The following HELZ variants were observed in gnomAD, a reference collection of about 807,000 sequenced individuals.
HELZ encodes the protein helicase with zinc finger.
In HELZ, 23 loss-of-function variants were observed where a neutral mutation model predicts 218.2. That is an observed-to-expected ratio of 0.11 (90% CI 0.08 to 0.15). The LOEUF (loss-of-function observed/expected upper bound fraction) is 0.15. HELZ is among the 10% of genes least tolerant of loss of function. The pLI, the probability that HELZ is intolerant of heterozygous loss-of-function variation, is 1.00. For missense variants in HELZ, 1,813 were observed against 2,353.7 expected, an observed-to-expected ratio of 0.77 and a Z score of 4.75; for synonymous variants, 814 against 829.4, an observed-to-expected ratio of 0.98 and a Z score of 0.32.
chr17:67,128,841 C>A lies in HELZ; in HGVS notation c.3197G>T (p.Arg1066Leu). ...SIGRCRKFWE[R>L]FIALCHENSS... ...GTTTTCATGACACAGGGCAATAAAC[C>A]GTTCCCAAAATTTCCTACAGAAAAG... The change falls in exon 24 of 33, where the codon CGG (arginine) becomes CTG (leucine). Residue 1066 changes from arginine (R) to leucine (L), a missense_variant. Arg to Leu is a moderately radical substitution (Grantham distance 102). Transcript: ENST00000358691. 1.2e-6 allele frequency: 2 copies of A among 1,613,608 alleles called. No individual in the cohort carries two copies. The highest frequency in any genetic ancestry group is 1.1e-5 in the South Asian group (1 of 91,056).
rs2037663076 is a variant in HELZ at position 67,122,971 on chromosome 17, G to C, written c.3629C>G (p.Pro1210Arg). 2.5e-6 allele frequency: 4 copies of C among 1,601,704 alleles called. No individual in the cohort carries two copies. In the African/African-American group the frequency reaches 4.0e-5, roughly 16 times the overall value. The change falls in exon 26 of 33, where the codon CCT becomes CGT. Residue 1210 changes from proline (P) to arginine (R), a missense_variant and splice_region_variant. By Grantham distance (103) the Pro-to-Arg change is moderately radical. Transcript: ENST00000358691. ...AAAGTATTTCGAATGTCCACTTACA[G>C]GTAAAGGCACCGACATAACTACATT... ...GGNVVMSVPL[P>R]VPWTGYQGRF...
chr17:67,133,414 T>C (rs529895585), intron 23 of HELZ, among the ~76,000 whole-genome samples: 65 of 152,374 alleles, frequency 4.3e-4, no homozygotes, highest in Non-Finnish European at 8.4e-4. Context: ...CAGTATAATA[T>C]GATTCTTTAA....
At chr17:67,171,386 A>G (rs1041614397) in intron 13 of HELZ, among the ~76,000 whole-genome samples, 1 of 152,132 alleles carries the variant, frequency 6.6e-6, no homozygotes, top group Non-Finnish European at 1.5e-5. Context: ...CAACTTAGAA[A>G]ATGGCACTGT....
At chr17:67,216,969 C>T (rs2040616656) in intron 4 of HELZ, among the ~76,000 whole-genome samples, 1 of 152,144 alleles carries the variant, frequency 6.6e-6, no homozygotes, top group Non-Finnish European at 1.5e-5. Flanking sequence ...CCTCAGTCCT[C>T]GCCTCTTCTC....
At chr17:67,207,337 A>T (rs1182020497) in intron 5 of HELZ, among the ~76,000 whole-genome samples, 2 of 147,256 alleles carry the variant, frequency 1.4e-5, no homozygotes, top group African/African-American at 5.1e-5. Flanking sequence ...CTCCTGCCTC[A>T]GCCTCACCAG....
At chr17:67,095,335 C>T (rs1202695193) in intron 31 of HELZ, among the ~76,000 whole-genome samples, 1 of 152,110 alleles carries the variant, frequency 6.6e-6, no homozygotes, top group Non-Finnish European at 1.5e-5. Flanking sequence ...GAGTTCAAGT[C>T]CAGCCTGGGT....
chr17:67,086,298 A>G (rs1202562457), intron 32 of HELZ, among the ~76,000 whole-genome samples: 2 of 152,074 alleles, frequency 1.3e-5, no homozygotes, highest in Admixed American at 6.5e-5. Context: ...GACATAAAAT[A>G]TGGAACTGGC....
At chr17:67,080,074 T>A (rs1249024037) in intron 32 of HELZ, among the ~76,000 whole-genome samples, 1 of 152,240 alleles carries the variant, frequency 6.6e-6, no homozygotes, top group Non-Finnish European at 1.5e-5. Flanking sequence ...GATATTTACA[T>A]CTTTTTGTGA....
intron 3 of HELZ, among the ~76,000 whole-genome samples, chr17:67,221,191 G>A (rs2040735770): frequency 6.6e-6 from 1 of 152,098 alleles, no homozygotes; most frequent in Non-Finnish European, 1.5e-5. Context: ...TTTGCTGTGG[G>A]CCATTCTGTG....
intron 17 of HELZ, among the ~76,000 whole-genome samples, chr17:67,151,689 A>G (rs1174473118): frequency 6.6e-6 from 1 of 152,234 alleles, no homozygotes; most frequent in Non-Finnish European, 1.5e-5. Flanking sequence ...TTTTCATTTT[A>G]TTTTAGAATA....
At position 67,078,453 on chromosome 17, in the gene HELZ, C is replaced by T. The variant is rs745477812; in HGVS notation, c.5628G>A (p.Ala1876=). ...FPPLMPNKQI[A]ESANSSSPQS... ...GGGGGCTACTGCTATTGGCCGACTCCGCGATCTGCTTGTTAGGCATAAGGG... is the reference window on the plus strand; with the variant it reads ...GGGGGCTACTGCTATTGGCCGACTCTGCGATCTGCTTGTTAGGCATAAGGG... The change falls in exon 33 of 33, where the codon GCG becomes GCA. Residue 1876 remains alanine, a synonymous_variant. Coordinates refer to ENST00000358691, the MANE Select transcript of HELZ (RefSeq NM_014877.4). 7.5e-6 allele frequency: 12 copies of T among 1,592,740 alleles called. No homozygotes were observed. The highest frequency in any genetic ancestry group is 1.4e-5 in the African/African-American group (1 of 73,772).
intron 13 of HELZ, among the ~76,000 whole-genome samples, chr17:67,171,412 C>A (rs1340949535): frequency 1.3e-5 from 2 of 152,152 alleles, no homozygotes; most frequent in African/African-American, 4.8e-5. Flanking sequence ...ACGTAGGTAT[C>A]CAAGCCAACC....
chr17:67,196,662 T>TTGGG, intron 7 of HELZ, among the ~76,000 whole-genome samples: 1 of 150,332 alleles, frequency 6.7e-6, no homozygotes, highest in Non-Finnish European at 1.5e-5. Context: ...GGGTAGGTGG[T>TTGGG]TGGGTGGGTG....
At chr17:67,245,455 G>A (rs1791718015), upstream of HELZ, 3 of 985,076 alleles carry the variant, frequency 3.0e-6, no homozygotes, top group African/African-American at 1.7e-5. Context: ...CCCCACGCCC[G>A]GTCCTCTCGC....
chr17:67,223,333 TG>T lies in HELZ; in HGVS notation c.-18-4512del, dbSNP rs948197141. ...CACAGGGACAGAGTGGCCCAGGGAA[TG>T]GAAGTCGCTGGAGCTGAGTCACATT... On this transcript the variant is annotated intron_variant, in intron 3 of 32. Transcript: ENST00000358691. Among the ~76,000 whole-genome samples the T allele has an allele frequency of 6.2e-4, 95 of 152,244 alleles. 1 individual carries two copies. Among genetic ancestry groups the T allele is most frequent in the African/African-American group, 2.2e-3 (93 of 41,548 alleles).
chr17:67,121,462 G>A (rs2037608484), intron 26 of HELZ, among the ~76,000 whole-genome samples: 1 of 152,208 alleles, frequency 6.6e-6, no homozygotes. Flanking sequence ...GAGTGGGCAT[G>A]AATTACGTAT....
chr17:67,182,881 A>G (rs1264101222), intron 12 of HELZ, among the ~76,000 whole-genome samples: 1 of 152,212 alleles, frequency 6.6e-6, no homozygotes, highest in East Asian at 1.9e-4. Flanking sequence ...TGAAGTATAT[A>G]GTATAGCAGA....
intron 3 of HELZ, among the ~76,000 whole-genome samples, chr17:67,235,350 C>G (rs1006567672): frequency 6.6e-6 from 1 of 152,028 alleles, no homozygotes; most frequent in Non-Finnish European, 1.5e-5. Context: ...ACTAAAAATA[C>G]AAAAATTAGC....
intron 12 of HELZ, among the ~76,000 whole-genome samples, chr17:67,181,113 G>A (rs1005579379): frequency 2.0e-5 from 3 of 152,056 alleles, no homozygotes; most frequent in African/African-American, 7.2e-5. Context: ...TATTTAGTAT[G>A]TAGCTTTTAA....
Sources: allele counts gnomAD v4.1 joint callset (sites outside exome capture counted in the v4.1 genomes callset), GRCh38; gene constraint gnomAD v4.1.1; transcripts MANE v1.5; gene names NCBI Gene and HGNC (gene_info 2026-07-23, HGNC 2026-07-21).